Variants in USP47 observed in about 807,000 individuals in gnomAD.
USP47 encodes the protein ubiquitin specific peptidase 47.
A neutral mutation model predicts 165.1 loss-of-function variants in USP47; 35 were observed. The ratio of observed to expected loss-of-function variants is 0.21; its 90% CI spans 0.16 to 0.28. The LOEUF is 0.28. Among genes scored for constraint, USP47 ranks in the 10% least tolerant of loss-of-function variants. USP47 has a pLI of 1.00. For missense variants in USP47, 1,277 were observed against 1,607.4 expected (o/e 0.79, Z 3.52); for synonymous variants, 531 against 544.5 (o/e 0.98, Z 0.35).
Position 11,956,559 on chromosome 11 carries a change from G to C in USP47, c.*384G>C, listed in dbSNP as rs1564898845. ...TGCTCATAGCTTAATAATAAAAGCT[G>C]TGCAAAGGCCATGAATGAATGAATT... On this transcript the variant is annotated 3_prime_UTR_variant, in exon 28 of 28. Transcript: ENST00000527733. 6.2e-6 allele frequency: 1 copy of C among 161,042 alleles called. No homozygotes were observed. Among genetic ancestry groups the C allele is most frequent in the Non-Finnish European group, 1.4e-5 (1 of 73,486 alleles). 10.0% of individuals were successfully genotyped at this position (161,042 alleles called of 1,614,324 possible). A position where few individuals can be genotyped will look rare whatever the true frequency, so the allele number is the denominator to read the frequency against.
intron 1 of USP47, among the ~76,000 whole-genome samples, chr11:11,863,771 T>C (rs958275317): frequency 6.6e-6 from 1 of 152,224 alleles, no homozygotes; most frequent in African/African-American, 2.4e-5. Flanking sequence ...TTTATTTTAA[T>C]GTTTAAGTTT....
chr11:11,891,744 G>A (rs1045894850), intron 3 of USP47, among the ~76,000 whole-genome samples: 3 of 152,144 alleles, frequency 2.0e-5, no homozygotes, highest in African/African-American at 7.2e-5. Context: ...CTGTCATCAC[G>A]GAGTACAATG....
At chr11:11,862,024 CTT>C (rs35753812) in intron 1 of USP47, among the ~76,000 whole-genome samples, 104 of 140,182 alleles carry the variant, frequency 7.4e-4, no homozygotes, top group Non-Finnish European at 1.1e-3. Flanking sequence ...GGTACAAAGT[CTT>C]TTTTTTTTTT....
Position 11,961,320 on chromosome 11 carries a change from G to A in USP47, c.*5145G>A, listed in dbSNP as rs1397583215. On this transcript the variant is annotated 3_prime_UTR_variant, in exon 28 of 28. Coordinates refer to ENST00000527733, the MANE Select transcript of USP47 (RefSeq NM_001282659.2). ...AGATGCAATTAAGGTTAAGGACCTT[G>A]ACGTGGGAAGATTATTCTGGATTAT... Among the ~76,000 whole-genome samples the A allele has an allele frequency of 2.0e-5, 3 of 152,148 alleles. No individual in the cohort carries two copies. Among genetic ancestry groups the A allele is most frequent in the Non-Finnish European group, 4.4e-5 (3 of 68,032 alleles).
intron 1 of USP47, chr11:11,856,708 T>C (rs1323352676): frequency 6.6e-6 from 1 of 152,250 alleles, no homozygotes; most frequent in Non-Finnish European, 1.5e-5. Context: ...ATACATTTGA[T>C]AACTTCTGAT....
At chr11:11,947,539 T>C (rs1013064784) in intron 20 of USP47, among the ~76,000 whole-genome samples, 1 of 152,216 alleles carries the variant, frequency 6.6e-6, no homozygotes, top group Non-Finnish European at 1.5e-5. Flanking sequence ...CATCTCCATT[T>C]TTCTAGTGAG....
chr11:11,917,997 C>T (rs1260397079), intron 8 of USP47, among the ~76,000 whole-genome samples: 1 of 152,088 alleles, frequency 6.6e-6, no homozygotes, highest in East Asian at 1.9e-4. Context: ...GCATGGTCTC[C>T]AAGTATCTCC....
chr11:11,884,546 C>A lies in USP47; in HGVS notation c.323C>A (p.Thr108Lys). 6.2e-7 allele frequency: 1 copy of A among 1,610,952 alleles called. No homozygotes were observed. The highest frequency in any genetic ancestry group is 1.1e-5 in the South Asian group (1 of 90,352). ...GGAAAGAAGAACTTTCTGCATTTGACAGATAAAGATGGTGAACAACCTCAA... is the reference window on the plus strand; with the variant it reads ...GGAAAGAAGAACTTTCTGCATTTGAAAGATAAAGATGGTGAACAACCTCAA... ...EPGKKNFLHL[T>K]DKDGEQPQIL... Residue 108 changes from threonine to lysine, a missense_variant, in exon 3 of 28, where the codon ACA (threonine) becomes AAA (lysine). Coordinates refer to ENST00000527733, the MANE Select transcript of USP47 (RefSeq NM_001282659.2).
In USP47 at chr11:11,956,286, C is replaced by A; in HGVS notation, c.*111C>A. ...CATGGTTGGGGTAACCCAGTGACAC[C>A]AGCACTGATTGGACTGCCCTACACC... On this transcript the variant is annotated 3_prime_UTR_variant, in exon 28 of 28. Transcript: ENST00000527733. The A allele has an allele frequency of 1.7e-6, 2 of 1,193,930 alleles. No homozygotes were observed. The highest frequency in any genetic ancestry group is 2.4e-6 in the Non-Finnish European group (2 of 834,978). 74.0% of individuals were successfully genotyped at this position (1,193,930 alleles called of 1,614,324 possible).
At chr11:11,926,978 A>ATTTTTTTTTTT (rs1590395728) in intron 11 of USP47, among the ~76,000 whole-genome samples, 1 of 150,284 alleles carries the variant, frequency 6.7e-6, no homozygotes, top group Non-Finnish European at 1.5e-5. Flanking sequence ...TGTGTTGTTT[A>ATTTTTTTTTTT]AAACAACTTA....
chr11:11,855,076 C>T (rs1848958383), intron 1 of USP47, among the ~76,000 whole-genome samples: 1 of 146,846 alleles, frequency 6.8e-6, no homozygotes, highest in African/African-American at 2.5e-5. Context: ...GCCTGGGCGA[C>T]AGAGCGAGAC....
chr11:11,849,391 G>GT (rs1446531125), intron 1 of USP47, among the ~76,000 whole-genome samples: 1 of 152,156 alleles, frequency 6.6e-6, no homozygotes, highest in African/African-American at 2.4e-5. Flanking sequence ...GGGGAGGAGA[G>GT]TGCGGGTGTG....
At chr11:11,949,664 C>G (rs1386597118) in intron 22 of USP47, among the ~76,000 whole-genome samples, 1 of 152,148 alleles carries the variant, frequency 6.6e-6, no homozygotes, top group Non-Finnish European at 1.5e-5. Context: ...GAGGAAGATA[C>G]TGTTCCCAGT....
At position 11,959,216 on chromosome 11, in the gene USP47, A is replaced by G. The variant is rs928409902; in HGVS notation, c.*3041A>G. On this transcript the variant is annotated 3_prime_UTR_variant, in exon 28 of 28. Transcript: ENST00000527733. ...TCTTCCTCTGGATTTTATTTTGTTC[A>G]GCGTCAAGGCCCTAATTTTGCAAAT... 14 of 152,188 alleles carry G rather than the reference A, an allele frequency of 9.2e-5. No homozygotes were observed. The highest frequency in any genetic ancestry group is 3.4e-4 in the African/African-American group (14 of 41,442). 9.4% of individuals were successfully genotyped at this position (152,188 alleles called of 1,614,324 possible).
intron 1 of USP47, among the ~76,000 whole-genome samples, chr11:11,878,292 A>G (rs1289670527): frequency 6.6e-6 from 1 of 151,972 alleles, no homozygotes; most frequent in Non-Finnish European, 1.5e-5. Flanking sequence ...TTGACCATCA[A>G]CTCCAGCTTA....
At chr11:11,918,030 G>A (rs779432082) in intron 8 of USP47, among the ~76,000 whole-genome samples, 92 of 152,244 alleles carry the variant, frequency 6.0e-4, no homozygotes, top group Non-Finnish European at 1.1e-3. Flanking sequence ...TATTAGCCGC[G>A]AGAGTAAAAA....
chr11:11,950,528 A>C (rs757020843), intron 24 of USP47, 46 bp downstream of exon 24: 1 of 1,202,592 alleles, frequency 8.3e-7, no homozygotes, highest in African/African-American at 1.5e-5. Flanking sequence ...GAAATACTCT[A>C]GAACTAATAG....
intron 3 of USP47, among the ~76,000 whole-genome samples, chr11:11,885,757 A>G (rs1481512581): frequency 2.0e-5 from 3 of 152,202 alleles, no homozygotes. Flanking sequence ...CCCCACTTCC[A>G]CAGCACCTCA....
chr11:11,863,684 TTC>T (rs1176212746), intron 1 of USP47, among the ~76,000 whole-genome samples: 1 of 152,206 alleles, frequency 6.6e-6, no homozygotes, highest in African/African-American at 2.4e-5. Context: ...TACAAATGCA[TTC>T]TTAGTTATTT....
Sources: allele counts gnomAD v4.1 joint callset (sites outside exome capture counted in the v4.1 genomes callset), GRCh38; gene constraint gnomAD v4.1.1; transcripts MANE v1.5; gene names NCBI Gene and HGNC (gene_info 2026-07-23, HGNC 2026-07-21).